Variants in KDR observed in about 807,000 individuals in gnomAD.
KDR encodes the protein vascular endothelial growth factor receptor 2.
Under a neutral mutation model 160.9 loss-of-function variants are expected in KDR, and 43 were observed. The observed-to-expected ratio is 0.27, with a 90% CI of 0.21 to 0.34. KDR has a LOEUF of 0.34. KDR is among the 10% of genes least tolerant of loss of function. The pLI is 1.00. For synonymous variants in KDR, 617 were observed against 600.1 expected (o/e 1.03, Z -0.41); for missense variants, 1,469 against 1,666.4 (o/e 0.88, Z 2.06).
chr4:55,110,670 G>C lies in KDR; in HGVS notation c.1075C>G (p.Pro359Ala), dbSNP rs770118276. Residue 359 changes from proline (P) to alanine (A), a missense_variant, in exon 8 of 30, where the codon CCC becomes GCC. Around this residue, in one of 7 missense-constraint regions of KDR, gnomAD observed 792 missense variants for 840.9 expected, o/e 0.94. Coordinates refer to ENST00000263923, the MANE Select transcript of KDR (RefSeq NM_002253.4). ...AGTAGTTACCATTTTATTTCTGGGG[G>C]TGGGTAACCAAGGTACTTCGCAGGG... ...RIPAKYLGYP[P>A]PEIKWYKNGI... The C allele has an allele frequency of 6.2e-7, 1 of 1,613,712 alleles. No individual in the cohort carries two copies. Among genetic ancestry groups the C allele is most frequent in the Non-Finnish European group, 8.5e-7 (1 of 1,179,822 alleles).
At chr4:55,096,846 C>T in intron 18 of KDR, 1 of 194,224 alleles carries the variant, frequency 5.1e-6, no homozygotes, top group Admixed American at 5.3e-5. Context: ...GCTGATGGCA[C>T]TAAGACTATG....
At chr4:55,121,639 T>G (rs1304311000) in intron 1 of KDR, among the ~76,000 whole-genome samples, 2 of 152,258 alleles carry the variant, frequency 1.3e-5, no homozygotes, top group Non-Finnish European at 2.9e-5. Context: ...CTACGTACCC[T>G]GAAGGGAGTG....
In KDR at chr4:55,125,286, C is replaced by T; in HGVS notation, c.8G>A (p.Ser3Asn). The T allele has an allele frequency of 6.2e-7, 1 of 1,612,396 alleles. No individual in the cohort carries two copies. Among genetic ancestry groups the T allele is most frequent in the Non-Finnish European group, 8.5e-7 (1 of 1,179,586 alleles). Residue 3 changes from serine to asparagine, a missense_variant, in exon 1 of 30, where the codon AGC becomes AAC. Physicochemically the swap from Ser to Asn is conservative, Grantham distance 46. This residue lies in a region of KDR where 792 missense variants were observed against 840.9 expected (regional missense o/e 0.94). Transcript: ENST00000263923. MQ[S>N]KVLLAVALWL... ...CAGGGCGACGGCCAGCAGCACCTTG[C>T]TCTGCATCCTGCACCTCGAGCCGGG...
rs1422435291 is a variant in KDR at position 55,105,957 on chromosome 4, CA to C, written c.1537-18del. On this transcript the variant is annotated intron_variant, in intron 11 of 29. Transcript: ENST00000263923. The stretch of plus-strand genomic sequence containing the variant: ...ACTTACAGTCTGTGCGGGGAAAAAA[CA>C]AATCCCAGGCCATAAACAACGCGGC... The C allele has an allele frequency of 9.1e-6, 14 of 1,530,636 alleles. No homozygotes were observed. Among genetic ancestry groups the C allele is most frequent in the Non-Finnish European group, 1.2e-5 (13 of 1,104,014 alleles). The allele number at this position is 1,530,636 out of a possible 1,614,324, so 94.8% of individuals were successfully genotyped here. A position where few individuals can be genotyped will look rare whatever the true frequency, so the allele number is the denominator to read the frequency against.
At chr4:55,112,819 C>T (rs181505016) in intron 7 of KDR, among the ~76,000 whole-genome samples, 88 of 152,122 alleles carry the variant, frequency 5.8e-4, no homozygotes, top group Admixed American at 1.5e-3. Context: ...CGTGAGCCAC[C>T]GCGCCCGGCC....
In KDR at chr4:55,113,579, A is replaced by C. The variant is rs1396133753; in HGVS notation, c.799-98T>G. The C allele has an allele frequency of 1.2e-5, 13 of 1,076,268 alleles. No individual in the cohort carries two copies. The East Asian group carries it at 3.0e-4, about 24-fold the overall frequency. The allele number at this position is 1,076,268 out of a possible 1,614,324, so 66.7% of individuals were successfully genotyped here. ...GAATTAAATCTGGGCTTTGGTAAAC[A>C]TTATTTAATGCTAAAAACAGGGACA... On this transcript the variant is annotated intron_variant, in intron 6 of 29. Coordinates refer to ENST00000263923, the MANE Select transcript of KDR (RefSeq NM_002253.4).
At position 55,095,684 on chromosome 4, in the gene KDR, G is replaced by A. The variant is rs2110016081; in HGVS notation, c.2729-19C>T. 1 of 1,599,826 alleles carries A rather than the reference G, an allele frequency of 6.3e-7. No homozygotes were observed. Among genetic ancestry groups the A allele is most frequent in the South Asian group, 1.1e-5 (1 of 90,762 alleles). ...AGTGGCCCTGCAGGCAGCATGTCCAGGAAGGAAAATGGGTTTTCACTCATA... is the reference window on the plus strand; with the variant it reads ...AGTGGCCCTGCAGGCAGCATGTCCAAGAAGGAAAATGGGTTTTCACTCATA... On this transcript the variant is annotated intron_variant, in intron 19 of 29. Coordinates refer to ENST00000263923, the MANE Select transcript of KDR (RefSeq NM_002253.4).
intron 23 of KDR, 44 bp from the exon 24 acceptor site, chr4:55,089,846 T>C: frequency 6.2e-7 from 1 of 1,606,290 alleles, no homozygotes; most frequent in Non-Finnish European, 8.5e-7. Flanking sequence ...AATTAGCAAA[T>C]ATCTGAAGAA....
rs1195438727 is a variant in KDR, at chr4:55,114,260, T to C, written c.664A>G (p.Arg222Gly). 1 of 1,613,788 alleles carries C rather than the reference T, an allele frequency of 6.2e-7. No homozygotes were observed. The highest frequency in any genetic ancestry group is 1.1e-5 in the South Asian group (1 of 91,072). ...IMYIVVVVGY[R>G]IYDVVLSPSH... ...GGACTCAGAACCACATCATAAATCCTATACCCTAGAGCAAGTAAATTGAAA... is the reference window on the plus strand; with the variant it reads ...GGACTCAGAACCACATCATAAATCCCATACCCTAGAGCAAGTAAATTGAAA... The change falls in exon 6 of 30, where the codon AGG becomes GGG. Residue 222 changes from arginine (R) to glycine (G), a missense_variant. Arg to Gly is a moderately radical substitution (Grantham distance 125). This residue lies in a region of KDR where 792 missense variants were observed against 840.9 expected (regional missense o/e 0.94). Coordinates refer to ENST00000263923, the MANE Select transcript of KDR (RefSeq NM_002253.4).
chr4:55,081,300 G>A (rs766422927), intron 29 of KDR, among the ~76,000 whole-genome samples: 1 of 151,404 alleles, frequency 6.6e-6, no homozygotes, highest in Non-Finnish European at 1.5e-5. Context: ...TTACCTTTAG[G>A]TAAGAATACT....
intron 21 of KDR, among the ~76,000 whole-genome samples, chr4:55,092,961 T>C (rs867963105): frequency 3.9e-5 from 6 of 152,022 alleles, no homozygotes; most frequent in Non-Finnish European, 5.9e-5. Context: ...ATCCAGGAGG[T>C]AGAATAAGGT....
At chr4:55,094,460 G>A (rs1165741113) in intron 21 of KDR, among the ~76,000 whole-genome samples, 1 of 152,102 alleles carries the variant, frequency 6.6e-6, no homozygotes, top group African/African-American at 2.4e-5. Context: ...GCTCTCCAAG[G>A]CAATGGAGAG....
intron 27 of KDR, among the ~76,000 whole-genome samples, chr4:55,086,414 C>T (rs892996884): frequency 1.3e-5 from 2 of 152,114 alleles, no homozygotes; most frequent in African/African-American, 2.4e-5. Context: ...ACAAGACAGA[C>T]TTGGGGGTCC....
intron 27 of KDR, among the ~76,000 whole-genome samples, chr4:55,087,185 C>T (rs986764860): frequency 6.6e-5 from 10 of 152,158 alleles, no homozygotes; most frequent in Admixed American, 1.3e-4. Flanking sequence ...TGTATCCTTG[C>T]CAGAGAGCCA....
rs1161347839 is a variant in KDR at position 55,110,730 on chromosome 4, G to T, written c.1015C>A (p.Leu339Met). 6.2e-7 allele frequency: 1 copy of T among 1,611,998 alleles called. No homozygotes were observed. The highest frequency in any genetic ancestry group is 1.1e-5 in the South Asian group (1 of 90,988). ...CGCTCCCCCACCGTGGCTTCCACCA[G>T]AGATTCCATGCCACTTCCAAAAGCA... ...FVAFGSGMES[L>M]VEATVGERVR... The change falls in exon 8 of 30, where the codon CTG becomes ATG. Residue 339 changes from leucine to methionine, a missense_variant. Physicochemically the swap from Leu to Met is conservative, Grantham distance 15. This residue lies in a region of KDR where 792 missense variants were observed against 840.9 expected (regional missense o/e 0.94). Coordinates refer to ENST00000263923, the MANE Select transcript of KDR (RefSeq NM_002253.4).
At chr4:55,088,048 A>T (rs1466469617) in intron 26 of KDR, among the ~76,000 whole-genome samples, 1 of 152,222 alleles carries the variant, frequency 6.6e-6, no homozygotes, top group East Asian at 1.9e-4. Flanking sequence ...ACAACAGAAC[A>T]CAAGGAGCTA....
chr4:55,119,001 G>T (rs1578140471), intron 2 of KDR, among the ~76,000 whole-genome samples: 1 of 152,188 alleles, frequency 6.6e-6, no homozygotes, highest in African/African-American at 2.4e-5. Flanking sequence ...CTGAGGCCAG[G>T]AGTTCGAGAC....
In KDR at chr4:55,081,970, T is replaced by C; in HGVS notation, c.3834A>G (p.Leu1278=). 4.3e-6 allele frequency: 7 copies of C among 1,611,100 alleles called. No individual in the cohort carries two copies. Among genetic ancestry groups the C allele is most frequent in the Non-Finnish European group, 5.9e-6 (7 of 1,177,178 alleles). ...CTGAGTCTTACCCAAAAGATGGAGA[T>C]AATTTGGTTCTGTCTTCCAAAGTTT... is the stretch of plus-strand genomic sequence containing the variant. The part of the protein sequence containing the change: ...ELKTLEDRTK[L]SPSFGGMVPS... Residue 1278 remains leucine, a synonymous_variant, in exon 29 of 30, where the codon TTA becomes TTG. Transcript: ENST00000263923.
chr4:55,111,831 C>T (rs1720591750), intron 7 of KDR, among the ~76,000 whole-genome samples: 1 of 152,200 alleles, frequency 6.6e-6, no homozygotes, highest in South Asian at 2.1e-4. Flanking sequence ...GCTTTGTAGT[C>T]AGGAACTTGA....
Sources: gnomAD v4.1 joint callset for allele counts (sites outside exome capture counted in the v4.1 genomes callset) on GRCh38, gnomAD v4.1.1 for gene constraint, gnomAD v4.1.1 regional missense constraint, MANE v1.5 for transcripts, NCBI Gene and HGNC (gene_info 2026-07-23, HGNC 2026-07-21) for gene names.